The following HS3ST4 variants were observed in gnomAD, a reference collection of about 807,000 sequenced individuals.
HS3ST4 encodes heparan sulfate glucosamine 3-O-sulfotransferase 4.
In HS3ST4, 17 loss-of-function variants were observed where a neutral mutation model predicts 29.2. The ratio of observed to expected loss-of-function variants is 0.58; its 90% confidence interval spans 0.40 to 0.87. The LOEUF (loss-of-function observed/expected upper bound fraction) is 0.87, where lower values mean the gene tolerates loss of function less well. Among genes scored for constraint, HS3ST4 ranks in the 40% least tolerant of loss-of-function variants. The pLI is 0.00. For missense variants in HS3ST4, 627 were observed against 634.5 expected, an observed-to-expected ratio of 0.99 and a Z score of 0.13; for synonymous variants, 314 against 285.7, an observed-to-expected ratio of 1.10 and a Z score of -1.00.
Position 25,828,301 on chromosome 16 carries a change from C to CTCTCTCTCTCTCTCT in HS3ST4, c.734+135150_734+135151insTCTCTCTCTCTCTCT, listed in dbSNP as rs1555467593. Among the ~76,000 whole-genome samples the CTCTCTCTCTCTCTCT allele has an allele frequency of 1.2e-4, 4 of 32,898 alleles. 1 individual carries two copies. Among genetic ancestry groups the CTCTCTCTCTCTCTCT allele is most frequent in the Non-Finnish European group, 5.5e-5 (1 of 18,212 alleles). 21.6% of individuals were successfully genotyped at this position (32,898 alleles called of 152,430 possible). On this transcript the variant is annotated intron_variant, in intron 1 of 1. Coordinates refer to ENST00000331351, the MANE Select transcript of HS3ST4 (RefSeq NM_006040.3). ...CTTTCTTTCTTTCTTTCTTTCTTTCCCTCTCTCTCTCTCTCTCTCTCTCTC... is the reference window on the plus strand; with the variant it reads ...CTTTCTTTCTTTCTTTCTTTCTTTCCTCTCTCTCTCTCTCTCTCTCTCTCTCTCTCTCTCTCTCTC...
At chr16:25,718,499 TGGGAG>T (rs903934490) in intron 1 of HS3ST4, among the ~76,000 whole-genome samples, 4 of 65,732 alleles carry the variant, frequency 6.1e-5, no homozygotes, top group Admixed American at 2.1e-4. Flanking sequence ...TAAGCAGAAA[TGGGAG>T]AGAGAGAGAG....
chr16:25,860,582 A>G (rs1967626624), intron 1 of HS3ST4, among the ~76,000 whole-genome samples: 1 of 152,064 alleles, frequency 6.6e-6, no homozygotes, highest in Non-Finnish European at 1.5e-5. Flanking sequence ...ATATGAAGGA[A>G]CCTTAAATGC....
intron 1 of HS3ST4, among the ~76,000 whole-genome samples, chr16:26,094,362 G>C (rs1169399669): frequency 6.6e-6 from 1 of 152,196 alleles, no homozygotes; most frequent in East Asian, 1.9e-4. Context: ...GGCAGCAAGA[G>C]AGAAAGGTCG....
intron 1 of HS3ST4, among the ~76,000 whole-genome samples, chr16:25,772,277 CTGTT>C (rs916232172): frequency 6.6e-6 from 1 of 152,216 alleles, no homozygotes; most frequent in African/African-American, 2.4e-5. Flanking sequence ...AAAGTCTTCT[CTGTT>C]TGTTGTCATG....
chr16:26,099,686 C>T (rs577851063), intron 1 of HS3ST4, among the ~76,000 whole-genome samples: 1 of 152,118 alleles, frequency 6.6e-6, no homozygotes, highest in East Asian at 1.9e-4. Flanking sequence ...CAAATATGTC[C>T]CAGGTACTAG....
intron 1 of HS3ST4, among the ~76,000 whole-genome samples, chr16:25,791,734 G>T (rs1966869698): frequency 6.6e-6 from 1 of 151,996 alleles, no homozygotes; most frequent in Admixed American, 6.6e-5. Context: ...TAATGATTTG[G>T]ATATTGGCCA....
intron 1 of HS3ST4, among the ~76,000 whole-genome samples, chr16:25,819,298 C>T (rs1178963129): frequency 6.6e-6 from 1 of 152,220 alleles, no homozygotes; most frequent in African/African-American, 2.4e-5. Context: ...CTTCACTCTC[C>T]TACAACATCC....
At chr16:25,913,108 C>T (rs562452576) in intron 1 of HS3ST4, among the ~76,000 whole-genome samples, 2 of 152,304 alleles carry the variant, frequency 1.3e-5, no homozygotes, top group Non-Finnish European at 2.9e-5. Flanking sequence ...CGAATGGAGC[C>T]TTGGGATCCG....
In HS3ST4 at chr16:26,121,826, A is replaced by G. The variant is rs115397183; in HGVS notation, c.735-13786A>G. Among the ~76,000 whole-genome samples, 425 of 152,312 alleles carry G rather than the reference A, an allele frequency of 2.8e-3. 2 individuals are homozygous for G. The highest frequency in any genetic ancestry group is 9.8e-3 in the African/African-American group (409 of 41,578). On this transcript the variant is annotated intron_variant, in intron 1 of 1. Coordinates refer to ENST00000331351, the MANE Select transcript of HS3ST4 (RefSeq NM_006040.3). Reference sequence around the variant, plus strand: ...AAACACAACAAAATAGCTAACAGACATTGGTGTGTGAGGTTCTGCAGAGGG... The same window carrying G: ...AAACACAACAAAATAGCTAACAGACGTTGGTGTGTGAGGTTCTGCAGAGGG...
chr16:25,899,610 A>G (rs1465803658), intron 1 of HS3ST4, among the ~76,000 whole-genome samples: 1 of 151,080 alleles, frequency 6.6e-6, no homozygotes, highest in African/African-American at 2.4e-5. Context: ...TGTTCAAGCA[A>G]TTTTCCTGTG....
intron 1 of HS3ST4, among the ~76,000 whole-genome samples, chr16:25,833,135 A>G (rs1319311131): frequency 6.6e-6 from 1 of 152,214 alleles, no homozygotes; most frequent in Non-Finnish European, 1.5e-5. Context: ...CTGTTCAAAT[A>G]ATTTTCTGTG....
At chr16:25,872,704 A>G (rs1967767523) in intron 1 of HS3ST4, among the ~76,000 whole-genome samples, 1 of 152,216 alleles carries the variant, frequency 6.6e-6, no homozygotes, top group Non-Finnish European at 1.5e-5. Flanking sequence ...TGCACCATCG[A>G]CCAAAGCAAG....
At chr16:25,857,411 T>C (rs756954957) in intron 1 of HS3ST4, among the ~76,000 whole-genome samples, 2 of 152,190 alleles carry the variant, frequency 1.3e-5, no homozygotes, top group African/African-American at 4.8e-5. Flanking sequence ...TTGTCTAAGG[T>C]CTTTACATGC....
intron 1 of HS3ST4, among the ~76,000 whole-genome samples, chr16:25,713,567 G>A (rs1241643867): frequency 6.6e-6 from 1 of 150,754 alleles, no homozygotes; most frequent in Non-Finnish European, 1.5e-5. Flanking sequence ...CAAACATCCT[G>A]TCTCCTTAGC....
At chr16:25,776,866 G>C (rs1966847951) in intron 1 of HS3ST4, among the ~76,000 whole-genome samples, 1 of 152,166 alleles carries the variant, frequency 6.6e-6, no homozygotes, top group Non-Finnish European at 1.5e-5. Flanking sequence ...ATATCTTGGA[G>C]ACTGAGATGT....
intron 1 of HS3ST4, among the ~76,000 whole-genome samples, chr16:26,029,875 G>A (rs1029299060): frequency 7.9e-5 from 12 of 152,142 alleles, no homozygotes; most frequent in African/African-American, 2.9e-4. Flanking sequence ...CCACTGGTTC[G>A]ATTTTTGAGA....
intron 1 of HS3ST4, among the ~76,000 whole-genome samples, chr16:25,726,306 G>A (rs947458221): frequency 4.7e-5 from 7 of 149,026 alleles, no homozygotes. Flanking sequence ...TACGAAACAC[G>A]TCCACACACA....
At chr16:25,822,326 G>A (rs991280011) in intron 1 of HS3ST4, among the ~76,000 whole-genome samples, 2 of 151,968 alleles carry the variant, frequency 1.3e-5, no homozygotes, top group African/African-American at 4.8e-5. Flanking sequence ...GTATTGGTCC[G>A]ATTTATGAGT....
intron 1 of HS3ST4, among the ~76,000 whole-genome samples, chr16:25,791,746 A>G (rs1458136262): frequency 1.3e-5 from 2 of 152,098 alleles, no homozygotes; most frequent in East Asian, 3.8e-4. Flanking sequence ...TATTGGCCAG[A>G]TTCACTTTTA....
Sources: gnomAD v4.1 joint callset for allele counts (sites outside exome capture counted in the v4.1 genomes callset) on GRCh38, gnomAD v4.1.1 for gene constraint, MANE v1.5 for transcripts, NCBI Gene and HGNC (gene_info 2026-07-23, HGNC 2026-07-21) for gene names.